COG5: variants seen among roughly 807,000 people sequenced by gnomAD.
COG5 encodes component of oligomeric golgi complex 5.
Under a neutral mutation model 110.4 loss-of-function variants are expected in COG5, and 86 were observed. The ratio of observed to expected loss-of-function variants is 0.78; its 90% confidence interval spans 0.65 to 0.93. The LOEUF (loss-of-function observed/expected upper bound fraction) is 0.93, where lower values mean the gene tolerates loss of function less well. COG5 is among the 40% of genes least tolerant of loss of function. COG5 has a pLI of 0.00. For synonymous variants in COG5, 360 were observed against 334.6 expected, an observed-to-expected ratio of 1.08 and a Z score of -0.83; for missense variants, 1,077 against 987.0, an observed-to-expected ratio of 1.09 and a Z score of -1.22.
intron 10 of COG5, among the ~76,000 whole-genome samples, chr7:107,328,852 G>A (rs987807319): frequency 2.0e-5 from 3 of 151,714 alleles, no homozygotes; most frequent in Non-Finnish European, 2.9e-5. Flanking sequence ...ACGGAGTCTC[G>A]CTCTGTCGCC....
At chr7:107,505,846 T>C (rs958833411) in intron 6 of COG5, among the ~76,000 whole-genome samples, 2 of 152,174 alleles carry the variant, frequency 1.3e-5, no homozygotes, top group Non-Finnish European at 2.9e-5. Context: ...AATGCTGTTG[T>C]TCCTCTGGGT....
At chr7:107,489,359 C>T (rs1797848656) in intron 6 of COG5, among the ~76,000 whole-genome samples, 1 of 152,132 alleles carries the variant, frequency 6.6e-6, no homozygotes, top group Non-Finnish European at 1.5e-5. Context: ...ATGCAGGCCG[C>T]ATCAATGGAA....
intron 7 of COG5, among the ~76,000 whole-genome samples, chr7:107,387,943 C>G (rs1176027282): frequency 6.6e-6 from 1 of 152,252 alleles, no homozygotes; most frequent in East Asian, 1.9e-4. Flanking sequence ...TCAACATACA[C>G]AACCTATTTT....
At chr7:107,204,560 A>C (rs980649228) in intron 21 of COG5, among the ~76,000 whole-genome samples, 1 of 152,220 alleles carries the variant, frequency 6.6e-6, no homozygotes, top group African/African-American at 2.4e-5. Context: ...TTGTATAAAG[A>C]TGTAAGTTAA....
chr7:107,489,828 G>C (rs1563063364), intron 6 of COG5, among the ~76,000 whole-genome samples: 1 of 151,950 alleles, frequency 6.6e-6, no homozygotes, highest in Non-Finnish European at 1.5e-5. Flanking sequence ...AGAAATCCAA[G>C]TCTTCTTCCT....
chr7:107,562,221 T>C (rs1393132846), intron 1 of COG5, among the ~76,000 whole-genome samples: 2 of 152,190 alleles, frequency 1.3e-5, no homozygotes, highest in East Asian at 1.9e-4. Flanking sequence ...AAACAATCAC[T>C]GTGGAGAATG....
At chr7:107,264,762 T>C (rs1418917595) in intron 14 of COG5, among the ~76,000 whole-genome samples, 2 of 152,020 alleles carry the variant, frequency 1.3e-5, no homozygotes, top group African/African-American at 2.4e-5. Context: ...GAAAAGTTTA[T>C]ACACAAAGAT....
chr7:107,498,216 G>T (rs1322465178), intron 6 of COG5, among the ~76,000 whole-genome samples: 2 of 152,110 alleles, frequency 1.3e-5, no homozygotes, highest in African/African-American at 2.4e-5. Flanking sequence ...TGTACCATTG[G>T]TCTTGGCAAT....
At chr7:107,248,326 G>T in intron 17 of COG5, 70 bp downstream of exon 17, 2 of 982,560 alleles carry the variant, frequency 2.0e-6, no homozygotes, top group Non-Finnish European at 3.3e-6. Flanking sequence ...AGCTTAGGGA[G>T]TAAGCATAGA....
At chr7:107,314,246 T>C (rs139654346) in intron 11 of COG5, among the ~76,000 whole-genome samples, 3 of 152,166 alleles carry the variant, frequency 2.0e-5, no homozygotes, top group African/African-American at 7.2e-5. Flanking sequence ...AAATCTCTTG[T>C]TGAGAGGGGC....
intron 10 of COG5, among the ~76,000 whole-genome samples, chr7:107,335,850 G>A (rs1220867069): frequency 1.3e-5 from 2 of 152,028 alleles, no homozygotes; most frequent in Admixed American, 6.6e-5. Context: ...GAGACTACAA[G>A]CCAAAGACTA....
At chr7:107,489,734 A>C (rs894460033) in intron 6 of COG5, among the ~76,000 whole-genome samples, 2 of 152,220 alleles carry the variant, frequency 1.3e-5, no homozygotes, top group Admixed American at 6.5e-5. Flanking sequence ...AGTCATATCA[A>C]AAACTTTAAG....
At chr7:107,465,048 T>C (rs566027767) in intron 6 of COG5, among the ~76,000 whole-genome samples, 3 of 152,150 alleles carry the variant, frequency 2.0e-5, no homozygotes, top group Non-Finnish European at 2.9e-5. Context: ...CCGGCAAGAA[T>C]GTTCAGGGAT....
chr7:107,353,269 C>T (rs1812321459), intron 10 of COG5, among the ~76,000 whole-genome samples: 1 of 151,446 alleles, frequency 6.6e-6, no homozygotes, highest in Admixed American at 6.6e-5. Context: ...ACTAAAAATA[C>T]AAAAAATTAG....
intron 2 of COG5, among the ~76,000 whole-genome samples, chr7:107,556,777 T>C (rs7797791): frequency 0.12 from 18,789 of 151,722 alleles, 1,448 homozygotes; most frequent in Non-Finnish European, 0.17. Flanking sequence ...TTCTTTCTTT[T>C]TTTTTTTTTT....
At chr7:107,527,981 T>C (rs1800893504) in intron 5 of COG5, among the ~76,000 whole-genome samples, 1 of 148,358 alleles carries the variant, frequency 6.7e-6, no homozygotes. Context: ...ATCACTATGC[T>C]AGGTTGCTCA....
intron 6 of COG5, among the ~76,000 whole-genome samples, chr7:107,512,726 C>A (rs1331338176): frequency 6.6e-6 from 1 of 152,024 alleles, no homozygotes; most frequent in Non-Finnish European, 1.5e-5. Context: ...AGAACAGAGC[C>A]CTCAGAAATA....
In COG5 at chr7:107,332,050, TG is replaced by T. The variant is rs1810299031; in HGVS notation, c.1027-7530del. ...TTTTAGTAGAGATGCGGTTTCGCCA[TG>T]TTGGCCAGGATGGTCTCGAACTCCT... On this transcript the variant is annotated intron_variant, in intron 10 of 21. Transcript: ENST00000297135. Among the ~76,000 whole-genome samples, 3 of 152,168 alleles carry T rather than the reference TG, an allele frequency of 2.0e-5. No homozygotes were observed. The South Asian group carries it at 6.2e-4, about 32-fold the overall frequency.
intron 6 of COG5, among the ~76,000 whole-genome samples, chr7:107,449,216 C>T (rs1795185101): frequency 6.6e-6 from 1 of 152,086 alleles, no homozygotes; most frequent in Non-Finnish European, 1.5e-5. Context: ...AGGACAAATA[C>T]CTAATGCATA....
Sources: allele counts gnomAD v4.1 joint callset (sites outside exome capture counted in the v4.1 genomes callset), GRCh38; gene constraint gnomAD v4.1.1; transcripts MANE v1.5; gene names NCBI Gene and HGNC (gene_info 2026-07-23, HGNC 2026-07-21).